MAGI1: variants seen among roughly 807,000 people sequenced by gnomAD.
MAGI1 encodes membrane associated guanylate kinase, WW and PDZ domain containing 1, also known as membrane-associated guanylate kinase, WW and PDZ domain-containing protein 1.
MAGI1 carries 58 observed loss-of-function variants against 139.9 expected under a neutral mutation model. That is an observed-to-expected ratio of 0.41 (90% CI 0.34 to 0.52). MAGI1 has a LOEUF of 0.52. MAGI1 is among the 20% of genes least tolerant of loss of function. The pLI, the probability that MAGI1 is intolerant of heterozygous loss-of-function variation, is 0.12. For synonymous variants in MAGI1, 812 were observed against 737.9 expected, an observed-to-expected ratio of 1.10 and a Z score of -1.63; for missense variants, 1,874 against 1,901.6, an observed-to-expected ratio of 0.99 and a Z score of 0.27.
chr3:66,020,047 A>G (rs2067877762), intron 1 of MAGI1, among the ~76,000 whole-genome samples: 1 of 152,216 alleles, frequency 6.6e-6, no homozygotes, highest in Non-Finnish European at 1.5e-5. Context: ...GAACTAAGGC[A>G]TTCAGCACAC....
At chr3:65,965,387 T>C (rs1034435940) in intron 1 of MAGI1, among the ~76,000 whole-genome samples, 6 of 152,190 alleles carry the variant, frequency 3.9e-5, no homozygotes, top group South Asian at 2.1e-4. Flanking sequence ...CCTCTAGGAA[T>C]AGACATGCAG....
At chr3:65,363,404 T>C in intron 21 of MAGI1, 61 bp downstream of exon 21, 3 of 1,526,186 alleles carry the variant, frequency 2.0e-6, no homozygotes, top group Non-Finnish European at 8.8e-7. Flanking sequence ...TAACCATATA[T>C]GACAAGAATT....
chr3:65,741,376 G>A (rs145097307), intron 1 of MAGI1, among the ~76,000 whole-genome samples: 127 of 152,072 alleles, frequency 8.4e-4, no homozygotes, highest in Middle Eastern at 3.4e-3. Context: ...GGGTTTCACC[G>A]TGTTAGCCAG....
At chr3:65,542,536 G>C (rs1479314957) in intron 2 of MAGI1, among the ~76,000 whole-genome samples, 1 of 152,106 alleles carries the variant, frequency 6.6e-6, no homozygotes, top group African/African-American at 2.4e-5. Flanking sequence ...AAAACAGCAT[G>C]GTACTGGTAC....
chr3:65,839,493 C>T (rs1439689939), intron 1 of MAGI1, among the ~76,000 whole-genome samples: 1 of 152,018 alleles, frequency 6.6e-6, no homozygotes, highest in Non-Finnish European at 1.5e-5. Context: ...GAAATGACCG[C>T]TCCATGAGTG....
intron 13 of MAGI1, among the ~76,000 whole-genome samples, chr3:65,398,213 T>C (rs1944545281): frequency 6.6e-6 from 1 of 152,038 alleles, no homozygotes; most frequent in Non-Finnish European, 1.5e-5. Context: ...GAGCAACAGA[T>C]GGATAAATAG....
intron 2 of MAGI1, among the ~76,000 whole-genome samples, chr3:65,522,508 C>G (rs893722277): frequency 4.6e-5 from 7 of 152,160 alleles, no homozygotes; most frequent in African/African-American, 1.7e-4. Flanking sequence ...AGAAAGGGTA[C>G]ACTTTCTAGA....
rs1039983349 is a variant in MAGI1 at position 65,545,014 on chromosome 3, G to C, written c.431-51383C>G. Among the ~76,000 whole-genome samples the C allele has an allele frequency of 4.1e-4, 62 of 152,264 alleles. 1 individual carries two copies. The highest frequency in any genetic ancestry group is 1.4e-3 in the African/African-American group (59 of 41,544). On this transcript the variant is annotated intron_variant, in intron 2 of 22. Coordinates refer to ENST00000402939, the MANE Select transcript of MAGI1 (RefSeq NM_001033057.2). Reference sequence around the variant, plus strand: ...GCAGGAGGATCTATATCTTTGGAAAGGGGCGGGCTGCAACGGAAACTTGTA... The same window carrying C: ...GCAGGAGGATCTATATCTTTGGAAACGGGCGGGCTGCAACGGAAACTTGTA...
chr3:65,634,183 G>A (rs990692127), intron 1 of MAGI1, among the ~76,000 whole-genome samples: 2 of 152,176 alleles, frequency 1.3e-5, no homozygotes, highest in African/African-American at 2.4e-5. Context: ...AAATCCGGGG[G>A]AGTATGACTG....
intron 3 of MAGI1, among the ~76,000 whole-genome samples, chr3:65,486,240 T>C (rs1312783084): frequency 6.6e-6 from 1 of 152,188 alleles, no homozygotes; most frequent in African/African-American, 2.4e-5. Flanking sequence ...CATGCAGAAA[T>C]ATGCAACCCA....
chr3:65,619,593 A>C (rs777870985), intron 2 of MAGI1, among the ~76,000 whole-genome samples: 8 of 152,188 alleles, frequency 5.3e-5, no homozygotes, highest in Non-Finnish European at 1.0e-4. Context: ...CATCATCATC[A>C]AGAGAATGCA....
chr3:65,676,226 G>T (rs2087181006), intron 1 of MAGI1, among the ~76,000 whole-genome samples: 1 of 152,076 alleles, frequency 6.6e-6, no homozygotes, highest in South Asian at 2.1e-4. Context: ...AAAGAAATGA[G>T]ACTTACGCAC....
At chr3:65,626,590 C>T (rs1202859359) in intron 1 of MAGI1, among the ~76,000 whole-genome samples, 2 of 152,152 alleles carry the variant, frequency 1.3e-5, no homozygotes, top group Non-Finnish European at 2.9e-5. Flanking sequence ...TACCAAAGTG[C>T]TGGGATTACA....
At chr3:65,627,485 C>CTTTTTTTTTTT (rs779588733) in intron 1 of MAGI1, among the ~76,000 whole-genome samples, 1 of 28,354 alleles carries the variant, frequency 3.5e-5, no homozygotes, top group African/African-American at 1.2e-4. Context: ...ATTTCTGTAT[C>CTTTTTTTTTTT]TTTTTTTTTT....
chr3:65,590,578 G>C (rs1399667753), intron 2 of MAGI1, among the ~76,000 whole-genome samples: 2 of 152,096 alleles, frequency 1.3e-5, no homozygotes, highest in Non-Finnish European at 2.9e-5. Context: ...CCTTTTAAAG[G>C]AGATGTACTT....
chr3:65,626,018 G>A (rs1384278577), intron 1 of MAGI1, among the ~76,000 whole-genome samples: 10 of 152,122 alleles, frequency 6.6e-5, no homozygotes, highest in Non-Finnish European at 1.0e-4. Context: ...GAGGTATAAG[G>A]CACTCTAGAA....
intron 1 of MAGI1, among the ~76,000 whole-genome samples, chr3:65,633,414 G>A (rs867400257): frequency 6.6e-6 from 1 of 152,144 alleles, no homozygotes; most frequent in African/African-American, 2.4e-5. Flanking sequence ...GAGAGGCTGC[G>A]AGACAGATTT....
At chr3:65,617,801 T>C (rs561919233) in intron 2 of MAGI1, among the ~76,000 whole-genome samples, 8 of 152,330 alleles carry the variant, frequency 5.3e-5, no homozygotes, top group Non-Finnish European at 7.3e-5. Flanking sequence ...GAATATCTTT[T>C]TCCATTTCTT....
intron 1 of MAGI1, among the ~76,000 whole-genome samples, chr3:66,027,270 AAATAAATAAATAAATAAAT>A (rs2068330380): frequency 1.7e-4 from 23 of 137,448 alleles, no homozygotes; most frequent in South Asian, 5.0e-4. Flanking sequence ...CGTCTCAAAT[AAATAAATAAATAAATAAAT>A]AAATAAATAA....
Sources: allele counts gnomAD v4.1 joint callset (sites outside exome capture counted in the v4.1 genomes callset), GRCh38; gene constraint gnomAD v4.1.1; transcripts MANE v1.5; gene names NCBI Gene and HGNC (gene_info 2026-07-23, HGNC 2026-07-21).